The following MC2R variants were observed in gnomAD, a reference collection of about 807,000 sequenced individuals.
MC2R encodes adrenocorticotropic hormone receptor.
In MC2R, 9 loss-of-function variants were observed where a neutral mutation model predicts 9.8. That is an observed-to-expected ratio of 0.92 (90% CI 0.55 to 1.60). The LOEUF is 1.60. Among genes scored for constraint, MC2R ranks in the 40% most tolerant of loss-of-function variants. The pLI, the probability that MC2R is intolerant of heterozygous loss-of-function variation, is 0.00. For missense variants in MC2R, 370 were observed against 389.0 expected (o/e 0.95, Z 0.41); for synonymous variants, 185 against 154.7 (o/e 1.20, Z -1.45).
intron 1 of MC2R, among the ~76,000 whole-genome samples, chr18:13,896,179 T>C (rs911526172): frequency 1.6e-4 from 24 of 152,272 alleles, no homozygotes; most frequent in African/African-American, 5.8e-4. Context: ...ATATCATGAT[T>C]AAAAAGTATA....
chr18:13,908,196 T>C (rs2045424377), intron 1 of MC2R, among the ~76,000 whole-genome samples: 1 of 152,080 alleles, frequency 6.6e-6, no homozygotes, highest in Non-Finnish European at 1.5e-5. Flanking sequence ...TATTCAACCA[T>C]AAAGAATGAA....
At chr18:13,887,250 C>G (rs1264994744) in intron 1 of MC2R, among the ~76,000 whole-genome samples, 2 of 120,356 alleles carry the variant, frequency 1.7e-5, no homozygotes, top group African/African-American at 6.0e-5. Context: ...TGTGCTGTGT[C>G]CCACCTGCTG....
intron 1 of MC2R, among the ~76,000 whole-genome samples, chr18:13,891,808 T>C (rs548820522): frequency 1.7e-4 from 26 of 152,162 alleles, no homozygotes; most frequent in Non-Finnish European, 3.7e-4. Context: ...ATCTGACCCA[T>C]CCCACCTCAA....
rs1480910286 is a variant in MC2R, at chr18:13,883,623, ACACACTCTCTCTCTCT to A, written c.*986_*1001del. ...CACACACACACACACACACACACACACACACTCTCTCTCTCTCTCTCTCTCTCTCTCTCTGTCTGTC... is the reference window on the plus strand; with the variant it reads ...CACACACACACACACACACACACACACTCTCTCTCTCTCTCTCTGTCTGTC... On this transcript the variant is annotated 3_prime_UTR_variant, in exon 2 of 2. Transcript: ENST00000327606. 7.4e-3 allele frequency: 363 copies of A among 49,202 alleles called. 2 individuals carry two copies. Among genetic ancestry groups the A allele is most frequent in the African/African-American group, 0.021 (347 of 16,778 alleles). The allele number at this position is 49,202 out of a possible 1,614,324, so 3.0% of individuals were successfully genotyped here.
At chr18:13,899,456 G>A (rs944131817) in intron 1 of MC2R, among the ~76,000 whole-genome samples, 10 of 152,058 alleles carry the variant, frequency 6.6e-5, no homozygotes, top group Non-Finnish European at 1.2e-4. Flanking sequence ...TTATTTGAAG[G>A]GATAATAACA....
At chr18:13,904,833 G>T (rs1238128886) in intron 1 of MC2R, among the ~76,000 whole-genome samples, 1 of 152,142 alleles carries the variant, frequency 6.6e-6, no homozygotes, top group East Asian at 1.9e-4. Flanking sequence ...TGGGAGAAAA[G>T]TGGCTAGCCA....
At chr18:13,915,094 G>A (rs937041452) in intron 1 of MC2R, among the ~76,000 whole-genome samples, 2 of 152,120 alleles carry the variant, frequency 1.3e-5, no homozygotes, top group Admixed American at 6.5e-5. Flanking sequence ...TAAAACCCCC[G>A]CACTCTTACA....
chr18:13,901,104 A>G (rs926628173), intron 1 of MC2R, among the ~76,000 whole-genome samples: 6 of 152,184 alleles, frequency 3.9e-5, no homozygotes, highest in African/African-American at 1.4e-4. Context: ...AATTATGGAA[A>G]CTATACAAAT....
At chr18:13,907,365 A>G (rs2045420123) in intron 1 of MC2R, among the ~76,000 whole-genome samples, 1 of 152,238 alleles carries the variant, frequency 6.6e-6, no homozygotes, top group South Asian at 2.1e-4. Context: ...AGACACAAAA[A>G]TCAAATCAAG....
In MC2R at chr18:13,884,102, C is replaced by A. The variant is rs2045256071; in HGVS notation, c.*523G>T. On this transcript the variant is annotated 3_prime_UTR_variant, in exon 2 of 2. Coordinates refer to ENST00000327606, the MANE Select transcript of MC2R (RefSeq NM_000529.2). ...ACAAATTCAGCTGCAGCAATGCATT[C>A]CTTCCAATTTATTATTGGCTTACAG... 1 of 170,604 alleles carries A rather than the reference C, an allele frequency of 5.9e-6. No homozygotes were observed. The highest frequency in any genetic ancestry group is 1.3e-5 in the Non-Finnish European group (1 of 78,764). The allele number at this position is 170,604 out of a possible 1,614,324, so 10.6% of individuals were successfully genotyped here.
chr18:13,886,437 A>G (rs34182522), intron 1 of MC2R, among the ~76,000 whole-genome samples: 16 of 152,292 alleles, frequency 1.1e-4, no homozygotes, highest in South Asian at 2.1e-4. Context: ...AAAAAGAGGT[A>G]AAGCAAGGAA....
At chr18:13,894,614 T>C (rs550172618) in intron 1 of MC2R, among the ~76,000 whole-genome samples, 21 of 152,368 alleles carry the variant, frequency 1.4e-4, no homozygotes, top group Admixed American at 1.0e-3. Flanking sequence ...GCCTAAAGTA[T>C]AAAATTCTAT....
chr18:13,903,991 AT>A (rs5823279), intron 1 of MC2R, among the ~76,000 whole-genome samples: 58,943 of 150,530 alleles, frequency 0.39, 12,199 homozygotes, highest in African/African-American at 0.53. Flanking sequence ...AGAATTGTAG[AT>A]TTTTTTTTTC....
Position 13,884,602 on chromosome 18 carries a change from T to A in MC2R, c.*23A>T. On this transcript the variant is annotated 3_prime_UTR_variant, in exon 2 of 2. Transcript: ENST00000327606. ...ACTTGGCAACGTTATTCCCATGGAT[T>A]CTAAAACCAGGGATCAGCCATTCTA... 1 of 1,609,870 alleles carries A rather than the reference T, an allele frequency of 6.2e-7. No homozygotes were observed. Among genetic ancestry groups the A allele is most frequent in the East Asian group, 2.2e-5 (1 of 44,866 alleles).
intron 1 of MC2R, among the ~76,000 whole-genome samples, chr18:13,902,600 T>A (rs1598466577): frequency 6.6e-6 from 1 of 151,944 alleles, no homozygotes; most frequent in Admixed American, 6.6e-5. Context: ...GGATAGACAA[T>A]CTCTTTAATA....
intron 1 of MC2R, among the ~76,000 whole-genome samples, chr18:13,911,636 C>A (rs2045445418): frequency 6.6e-6 from 1 of 152,134 alleles, no homozygotes; most frequent in African/African-American, 2.4e-5. Flanking sequence ...CAGCGGGTAG[C>A]TTTGGCTTCT....
At position 13,885,568 on chromosome 18, in the gene MC2R, G is replaced by T; in HGVS notation, c.-50C>A. The T allele has an allele frequency of 1.3e-6, 2 of 1,596,120 alleles. No individual in the cohort carries two copies. The highest frequency in any genetic ancestry group is 1.7e-6 in the Non-Finnish European group (2 of 1,164,792). On this transcript the variant is annotated 5_prime_UTR_variant, in exon 2 of 2. Coordinates refer to ENST00000327606, the MANE Select transcript of MC2R (RefSeq NM_000529.2). ...GGATGTTACTTGGACTTGACTTCACGGAAAACTTGATTGATTCTTCAGGAT... is the reference window on the plus strand; with the variant it reads ...GGATGTTACTTGGACTTGACTTCACTGAAAACTTGATTGATTCTTCAGGAT...
At chr18:13,913,605 C>A (rs1191029366) in intron 1 of MC2R, among the ~76,000 whole-genome samples, 1 of 152,206 alleles carries the variant, frequency 6.6e-6, no homozygotes, top group Non-Finnish European at 1.5e-5. Flanking sequence ...CTTTAGGACT[C>A]CACCACACTT....
At chr18:13,893,857 G>T (rs976288092) in intron 1 of MC2R, among the ~76,000 whole-genome samples, 1 of 152,206 alleles carries the variant, frequency 6.6e-6, no homozygotes, top group African/African-American at 2.4e-5. Flanking sequence ...GCATTTAACT[G>T]TATTGCACAG....
Sources: allele counts gnomAD v4.1 joint callset (sites outside exome capture counted in the v4.1 genomes callset), GRCh38; gene constraint gnomAD v4.1.1; transcripts MANE v1.5; gene names NCBI Gene and HGNC (gene_info 2026-07-23, HGNC 2026-07-21).